The following DTD2 variants were observed in gnomAD, a reference collection of about 807,000 sequenced individuals.
DTD2 encodes the protein D-aminoacyl-tRNA deacylase 2.
Under a neutral mutation model 15.5 loss-of-function variants are expected in DTD2, and 12 were observed. The ratio of observed to expected loss-of-function variants is 0.77; its 90% CI spans 0.50 to 1.25. The LOEUF is 1.25. Among genes scored for constraint, DTD2 ranks in the 50% most tolerant of loss-of-function variants. The probability of loss-of-function intolerance (pLI) is 0.00; values close to 1 mark genes in which losing one functional copy is unlikely to be tolerated. For synonymous variants in DTD2, 59 were observed against 77.3 expected (o/e 0.76, Z 1.24); for missense variants, 170 against 201.1 (o/e 0.85, Z 0.93).
intron 2 of DTD2, 32 bp downstream of exon 2, chr14:31,453,243 C>T (rs747081894): frequency 1.2e-6 from 2 of 1,609,542 alleles, no homozygotes; most frequent in Non-Finnish European, 1.7e-6. Flanking sequence ...TGGCCTCTCA[C>T]TCTTAAAAAA....
Position 31,456,358 on chromosome 14 carries a change from C to G in DTD2, c.111+925G>C, listed in dbSNP as rs2032094819. ...CCGAGATCGTGCCACTGCACTCCAG[C>G]CTGGGCGACAGATCGAGAATTCATC... On this transcript the variant is annotated intron_variant, in intron 1 of 2. Transcript: ENST00000310850. Among the ~76,000 whole-genome samples the G allele has an allele frequency of 3.3e-5, 5 of 151,894 alleles. No homozygotes were observed. In the South Asian group the frequency reaches 1.0e-3, roughly 32 times the overall value.
At chr14:31,448,541 T>G in intron 2 of DTD2, 87 bp from the exon 3 acceptor site, 5 of 1,252,006 alleles carry the variant, frequency 4.0e-6, no homozygotes, top group Non-Finnish European at 5.5e-6. Flanking sequence ...AATCTCATGT[T>G]TAAAATTCAG....
chr14:31,446,332 TAAAA>T lies in DTD2; in HGVS notation c.*1793_*1796del. The stretch of plus-strand genomic sequence containing the variant: ...GAATTAGTTATTTGGTTTTTACTCT[TAAAA>T]AAAAAAAGTATTTTCAACTCAAGTC... On this transcript the variant is annotated 3_prime_UTR_variant, in exon 3 of 3. Transcript: ENST00000310850. The T allele has an allele frequency of 6.7e-6, 1 of 150,078 alleles. No homozygotes were observed. Among genetic ancestry groups the T allele is most frequent in the South Asian group, 2.1e-4 (1 of 4,756 alleles). The allele number at this position is 150,078 out of a possible 1,614,324, so 9.3% of individuals were successfully genotyped here.
chr14:31,456,629 G>C (rs2032097632), intron 1 of DTD2, among the ~76,000 whole-genome samples: 1 of 152,056 alleles, frequency 6.6e-6, no homozygotes, highest in Non-Finnish European at 1.5e-5. Context: ...AATTTTATTT[G>C]TTTTTGTATG....
intron 2 of DTD2, 49 bp downstream of exon 2, chr14:31,453,226 C>A (rs753693425): frequency 6.4e-7 from 1 of 1,574,248 alleles, no homozygotes; most frequent in Admixed American, 1.7e-5. Context: ...GGTGTGAGCA[C>A]CATGCTTGGC....
At position 31,457,421 on chromosome 14, in the gene DTD2, G is replaced by GT; in HGVS notation, c.-29dup. The GT allele has an allele frequency of 7.0e-7, 1 of 1,436,082 alleles. No individual in the cohort carries two copies. The highest frequency in any genetic ancestry group is 1.4e-5 in the South Asian group (1 of 70,630). The allele number at this position is 1,436,082 out of a possible 1,614,324, so 89.0% of individuals were successfully genotyped here. A position where few individuals can be genotyped will look rare whatever the true frequency, so the allele number is the denominator to read the frequency against. On this transcript the variant is annotated 5_prime_UTR_variant, in exon 1 of 3. Coordinates refer to ENST00000310850, the MANE Select transcript of DTD2 (RefSeq NM_080664.3). ...CTTAAGCCAGCGCCGCGGCCGGACA[G>GT]TTACTAGGCCATGTGTCGCTGGCCC...
chr14:31,451,056 T>C (rs2032026276), intron 2 of DTD2, among the ~76,000 whole-genome samples: 1 of 152,132 alleles, frequency 6.6e-6, no homozygotes, highest in African/African-American at 2.4e-5. Context: ...AGGCAAAATA[T>C]TAATTTAGGA....
chr14:31,450,851 C>T (rs1323731190), intron 2 of DTD2, among the ~76,000 whole-genome samples: 1 of 152,128 alleles, frequency 6.6e-6, no homozygotes, highest in Non-Finnish European at 1.5e-5. Context: ...GATATGGAAG[C>T]ACACAGGATT....
intron 1 of DTD2, 146 bp downstream of exon 1, chr14:31,457,137 C>G: frequency 1.4e-6 from 1 of 717,668 alleles, no homozygotes; most frequent in Non-Finnish European, 2.3e-6. Flanking sequence ...GGCAGGCCAC[C>G]GCGGCCAGCT....
At chr14:31,456,050 T>C (rs924241304) in intron 1 of DTD2, among the ~76,000 whole-genome samples, 3 of 152,152 alleles carry the variant, frequency 2.0e-5, no homozygotes, top group African/African-American at 7.2e-5. Context: ...GGCAACAGAT[T>C]CTGATTTTAG....
At chr14:31,457,235 ACCGCCCCGCACG>A in intron 1 of DTD2, 36 bp downstream of exon 1, 1 of 1,512,068 alleles carries the variant, frequency 6.6e-7, no homozygotes, top group African/African-American at 1.4e-5. Flanking sequence ...CGCGGAAAAA[ACCGCCCCGCACG>A]CCGGAGGATA....
At position 31,446,916 on chromosome 14, in the gene DTD2, C is replaced by A. The variant is rs2139358037; in HGVS notation, c.*1213G>T. 1 of 152,282 alleles carries A rather than the reference C, an allele frequency of 6.6e-6. No homozygotes were observed. Among genetic ancestry groups the A allele is most frequent in the Admixed American group, 6.5e-5 (1 of 15,292 alleles). The allele number at this position is 152,282 out of a possible 1,614,324, so 9.4% of individuals were successfully genotyped here. On this transcript the variant is annotated 3_prime_UTR_variant, in exon 3 of 3. Transcript: ENST00000310850. ...ACAATTTATGAACTAACACTAATTT[C>A]ATGAACCAGTTCTTTAAAAAGCGAA...
intron 2 of DTD2, among the ~76,000 whole-genome samples, chr14:31,450,495 GTTA>G (rs1027154629): frequency 7.9e-5 from 12 of 152,248 alleles, no homozygotes; most frequent in African/African-American, 2.9e-4. Flanking sequence ...GATTTAACTG[GTTA>G]TTATATTCTC....
At position 31,457,497 on chromosome 14, in the gene DTD2, T is replaced by G. The variant is rs1172757639; in HGVS notation, c.-104A>C. On this transcript the variant is annotated 5_prime_UTR_variant, in exon 1 of 3. Transcript: ENST00000310850. ...ACGAGGCGGGGCACGACGAAGGGCC[T>G]GCGCCGATTGCCCAGTGGCCCCGCC... is the stretch of plus-strand genomic sequence containing the variant. The G allele has an allele frequency of 2.5e-6, 2 of 806,412 alleles. No individual in the cohort carries two copies. Among genetic ancestry groups the G allele is most frequent in the African/African-American group, 3.6e-5 (2 of 54,868 alleles). The allele number at this position is 806,412 out of a possible 1,614,324, so 50.0% of individuals were successfully genotyped here. A position where few individuals can be genotyped will look rare whatever the true frequency, so the allele number is the denominator to read the frequency against.
intron 2 of DTD2, among the ~76,000 whole-genome samples, chr14:31,451,928 T>C (rs1198310988): frequency 6.6e-6 from 1 of 152,212 alleles, no homozygotes; most frequent in African/African-American, 2.4e-5. Context: ...ATGATTTGAT[T>C]TGGTATATCT....
chr14:31,451,308 C>T (rs1017385115), intron 2 of DTD2, among the ~76,000 whole-genome samples: 2 of 151,906 alleles, frequency 1.3e-5, no homozygotes, highest in East Asian at 1.9e-4. Context: ...CCACCACACC[C>T]GGCTAATTTT....
In DTD2 at chr14:31,448,246, T is replaced by G. The variant is rs764228596; in HGVS notation, c.390A>C (p.Val130=). The G allele has an allele frequency of 2.3e-5, 37 of 1,614,094 alleles. No individual in the cohort carries two copies. The South Asian group carries it at 3.6e-4, about 16-fold the overall frequency. The part of the protein sequence containing the change: ...SQFVTLCEKE[V]AANSKCAEAR... ...CTTCAGCACACTTGCTATTAGCAGC[T>G]ACTTCTTTTTCACATAGAGTCACAA... is the stretch of plus-strand genomic sequence containing the variant. Residue 130 remains valine, a synonymous_variant, in exon 3 of 3, where the codon GTA becomes GTC. Transcript: ENST00000310850.
In DTD2 at chr14:31,457,284, T is replaced by C. The variant is rs756249736; in HGVS notation, c.110A>G (p.Glu37Gly). The C allele has an allele frequency of 1.9e-6, 3 of 1,575,946 alleles. No individual in the cohort carries two copies. Among genetic ancestry groups the C allele is most frequent in the Non-Finnish European group, 2.6e-6 (3 of 1,161,774 alleles). ...CGAGAGCTGCCGGGCTGACGTTACC[T>C]CCACCCACTGGGCCGCGACGTCCCC... ...ADGDVAAQWV[E>G]VQRGLVIYVC... Residue 37 changes from glutamate (E) to glycine (G), a missense_variant and splice_region_variant, in exon 1 of 3, where the codon GAG becomes GGG. By Grantham distance (98) the Glu-to-Gly change is moderately conservative (BLOSUM62 -2). Transcript: ENST00000310850.
chr14:31,448,290 A>G lies in DTD2; in HGVS notation c.346T>C (p.Phe116Leu). The G allele has an allele frequency of 6.2e-7, 1 of 1,614,056 alleles. No homozygotes were observed. Among genetic ancestry groups the G allele is most frequent in the South Asian group, 1.1e-5 (1 of 91,078 alleles). ...GTCACAAATTGAGAGTAAAGTTCAA[A>G]CCCTTCTTCTTTTCCAGAGTTAGAG... Reference protein sequence around the residue: ...YHSNSGKEEGFELYSQFVTLC... With the variant: ...YHSNSGKEEGLELYSQFVTLC... Residue 116 changes from phenylalanine to leucine, a missense_variant, in exon 3 of 3, where the codon TTT becomes CTT. Phe to Leu is a conservative substitution (Grantham distance 22). Coordinates refer to ENST00000310850, the MANE Select transcript of DTD2 (RefSeq NM_080664.3).
Sources: allele counts gnomAD v4.1 joint callset (sites outside exome capture counted in the v4.1 genomes callset), GRCh38; gene constraint gnomAD v4.1.1; transcripts MANE v1.5; gene names NCBI Gene and HGNC (gene_info 2026-07-23, HGNC 2026-07-21).